The following LPP variants were observed in gnomAD, a reference collection of about 807,000 sequenced individuals.
LPP encodes the protein lipoma-preferred partner.
LPP carries 38 observed loss-of-function variants against 60.4 expected under a neutral mutation model. The ratio of observed to expected loss-of-function variants is 0.63; its 90% CI spans 0.49 to 0.83. The LOEUF (loss-of-function observed/expected upper bound fraction) is 0.83, where lower values mean the gene tolerates loss of function less well. Ranked by LOEUF, LPP falls within the 40% of genes least tolerant of loss-of-function variation. The probability of loss-of-function intolerance (pLI) is 0.00; values close to 1 mark genes in which losing one functional copy is unlikely to be tolerated. For synonymous variants in LPP, 328 were observed against 290.8 expected (o/e 1.13, Z -1.30); for missense variants, 902 against 783.6 (o/e 1.15, Z -1.80).
chr3:188,684,771 C>A (rs939539552), intron 7 of LPP, among the ~76,000 whole-genome samples: 18 of 150,810 alleles, frequency 1.2e-4, no homozygotes, highest in Non-Finnish European at 1.9e-4. Context: ...TTTACTAGTT[C>A]TCTCCCTGTG....
chr3:188,450,185 A>T (rs1487385531), intron 4 of LPP, among the ~76,000 whole-genome samples: 2 of 152,186 alleles, frequency 1.3e-5, no homozygotes, highest in Non-Finnish European at 2.9e-5. Flanking sequence ...TGTAAATTTG[A>T]TTAGCGCTGA....
intron 2 of LPP, among the ~76,000 whole-genome samples, chr3:188,269,945 G>A (rs537858420): frequency 6.6e-6 from 1 of 152,044 alleles, no homozygotes; most frequent in African/African-American, 2.4e-5. Flanking sequence ...ACTACACCTG[G>A]CCGTGCCTTG....
intron 2 of LPP, among the ~76,000 whole-genome samples, chr3:188,273,827 C>G (rs1206640073): frequency 6.6e-6 from 1 of 151,962 alleles, no homozygotes; most frequent in African/African-American, 2.4e-5. Context: ...AACTCTTGAC[C>G]TCAGGTGATC....
At chr3:188,870,108 CCACA>C (rs1267165621) in intron 10 of LPP, among the ~76,000 whole-genome samples, 1 of 152,102 alleles carries the variant, frequency 6.6e-6, no homozygotes, top group African/African-American at 2.4e-5. Context: ...ATAGCACTTA[CCACA>C]GTCTGACTGG....
intron 3 of LPP, among the ~76,000 whole-genome samples, chr3:188,401,122 CTCTATG>C (rs1372739387): frequency 1.3e-5 from 2 of 152,174 alleles, no homozygotes; most frequent in African/African-American, 4.8e-5. Flanking sequence ...GCCACAGGGA[CTCTATG>C]TCTATACTAT....
chr3:188,799,253 T>C (rs150130138), intron 9 of LPP, among the ~76,000 whole-genome samples: 161 of 152,376 alleles, frequency 1.1e-3, no homozygotes, highest in African/African-American at 3.8e-3. Flanking sequence ...CTTGAACCTT[T>C]TACTCTATCT....
intron 6 of LPP, among the ~76,000 whole-genome samples, chr3:188,578,192 C>G (rs954367771): frequency 6.6e-6 from 1 of 152,042 alleles, no homozygotes; most frequent in Non-Finnish European, 1.5e-5. Context: ...CAGTAAACCC[C>G]TTTCAAGTGG....
rs771421169 is a variant in LPP at position 188,489,055 on chromosome 3, G to A, written c.306+4351G>A. 2.0e-5 allele frequency among the ~76,000 whole-genome samples: 3 copies of A among 152,160 alleles called. No homozygotes were observed. The East Asian group carries it at 5.8e-4, about 29-fold the overall frequency. Reference sequence around the variant, plus strand: ...TAAGGTAGTTACAAAGAAGTCACGTGTCTCAGAATTTTGGACTTGCAAGAG... The same window carrying A: ...TAAGGTAGTTACAAAGAAGTCACGTATCTCAGAATTTTGGACTTGCAAGAG... On this transcript the variant is annotated intron_variant, in intron 5 of 11. Transcript: ENST00000617246.
At chr3:188,758,098 TA>T (rs1268999340) in intron 8 of LPP, among the ~76,000 whole-genome samples, 1 of 152,200 alleles carries the variant, frequency 6.6e-6, no homozygotes, top group Non-Finnish European at 1.5e-5. Context: ...CAAGACTTTA[TA>T]ATGATATCAA....
At chr3:188,521,360 C>A (rs971287144) in intron 5 of LPP, among the ~76,000 whole-genome samples, 1 of 152,038 alleles carries the variant, frequency 6.6e-6, no homozygotes, top group Non-Finnish European at 1.5e-5. Context: ...CAAGCACAGA[C>A]TGGTTGCATA....
chr3:188,860,872 T>C (rs2151944337), intron 9 of LPP, among the ~76,000 whole-genome samples: 1 of 152,370 alleles, frequency 6.6e-6, no homozygotes, highest in Non-Finnish European at 1.5e-5. Flanking sequence ...CCTGAATGTC[T>C]TCTTTCTATT....
At chr3:188,594,866 C>A (rs1839679247) in intron 6 of LPP, among the ~76,000 whole-genome samples, 1 of 152,024 alleles carries the variant, frequency 6.6e-6, no homozygotes, top group Non-Finnish European at 1.5e-5. Context: ...AATTACCACT[C>A]ATAATTTTTG....
chr3:188,524,918 TC>T, intron 6 of LPP, 131 bp downstream of exon 6: 1 of 610,636 alleles, frequency 1.6e-6, no homozygotes, highest in Non-Finnish European at 2.7e-6. Flanking sequence ...CTTCCTTCCT[TC>T]CTTCCTTCCT....
Position 188,878,942 on chromosome 3 carries a change from C to G in LPP, c.*4463C>G, listed in dbSNP as rs532127183. The G allele has an allele frequency of 1.2e-4, 28 of 225,650 alleles. 1 individual carries two copies. In the Middle Eastern group the frequency reaches 5.3e-3, roughly 43 times the overall value. The allele number at this position is 225,650 out of a possible 1,614,324, so 14.0% of individuals were successfully genotyped here. On this transcript the variant is annotated 3_prime_UTR_variant, in exon 12 of 12. Coordinates refer to ENST00000617246, the MANE Select transcript of LPP (RefSeq NM_001375462.1). ...TGTTAGTGTTTTTTATTTGATTTTACAGTAGTTTTAGTCAGATAATGAGGA... is the reference window on the plus strand; with the variant it reads ...TGTTAGTGTTTTTTATTTGATTTTAGAGTAGTTTTAGTCAGATAATGAGGA...
At chr3:188,240,516 A>G (rs546931787) in intron 2 of LPP, among the ~76,000 whole-genome samples, 1 of 152,272 alleles carries the variant, frequency 6.6e-6, no homozygotes, top group African/African-American at 2.4e-5. Context: ...TGACTGCTTT[A>G]TTTTGTAGGG....
At chr3:188,771,146 T>A (rs1288288355) in intron 9 of LPP, among the ~76,000 whole-genome samples, 1 of 152,176 alleles carries the variant, frequency 6.6e-6, no homozygotes, top group Non-Finnish European at 1.5e-5. Flanking sequence ...TATTGTACAA[T>A]TCACATTATA....
At chr3:188,469,773 C>G (rs554961345) in intron 4 of LPP, among the ~76,000 whole-genome samples, 7 of 152,238 alleles carry the variant, frequency 4.6e-5, no homozygotes, top group Admixed American at 2.0e-4. Flanking sequence ...AGTAAAGCAT[C>G]TATTCAATAA....
intron 3 of LPP, among the ~76,000 whole-genome samples, chr3:188,353,069 A>G (rs1007715325): frequency 6.6e-6 from 1 of 152,170 alleles, no homozygotes; most frequent in Non-Finnish European, 1.5e-5. Context: ...TAAAACTTCC[A>G]CAAGAGCCGT....
chr3:188,807,326 T>C (rs1749461957), intron 9 of LPP, among the ~76,000 whole-genome samples: 1 of 152,040 alleles, frequency 6.6e-6, no homozygotes, highest in Admixed American at 6.6e-5. Flanking sequence ...GTTTTAGTTT[T>C]CTGGTTTTAG....
Sources: allele counts gnomAD v4.1 joint callset (sites outside exome capture counted in the v4.1 genomes callset), GRCh38; gene constraint gnomAD v4.1.1; transcripts MANE v1.5; gene names NCBI Gene and HGNC (gene_info 2026-07-23, HGNC 2026-07-21).